NALF1: variants seen among roughly 807,000 people sequenced by gnomAD.
NALF1 encodes NALCN channel auxiliary factor 1, also known as family with sequence similarity 155 member A.
NALF1 carries 3 observed loss-of-function variants against 48.4 expected under a neutral mutation model. The observed-to-expected ratio is 0.06, with a 90% CI of 0.03 to 0.16. The LOEUF is 0.16. NALF1 is among the 10% of genes least tolerant of loss of function. NALF1 has a pLI of 1.00. For synonymous variants in NALF1, 262 were observed against 245.7 expected (o/e 1.07, Z -0.62); for missense variants, 526 against 571.5 (o/e 0.92, Z 0.81).
chr13:107,202,769 TC>T (rs1879547989), intron 2 of NALF1, among the ~76,000 whole-genome samples: 1 of 152,176 alleles, frequency 6.6e-6, no homozygotes, highest in African/African-American at 2.4e-5. Context: ...GTGATCACCT[TC>T]CGTTAACCTA....
intron 2 of NALF1, among the ~76,000 whole-genome samples, chr13:107,180,558 T>G (rs1310891652): frequency 1.3e-5 from 2 of 151,940 alleles, no homozygotes; most frequent in Non-Finnish European, 2.9e-5. Context: ...AACATAGTCT[T>G]TTTCATCTGA....
intron 1 of NALF1, among the ~76,000 whole-genome samples, chr13:107,638,467 G>A (rs920865838): frequency 6.6e-6 from 1 of 152,014 alleles, no homozygotes; most frequent in African/African-American, 2.4e-5. Context: ...CACTCAAGGT[G>A]CTGGAGGATA....
At chr13:107,787,246 C>A (rs548411662) in intron 1 of NALF1, among the ~76,000 whole-genome samples, 1 of 152,164 alleles carries the variant, frequency 6.6e-6, no homozygotes, top group Non-Finnish European at 1.5e-5. Flanking sequence ...ATGAGAAATC[C>A]ATATATATGC....
At chr13:107,751,305 T>C (rs1427431454) in intron 1 of NALF1, among the ~76,000 whole-genome samples, 6 of 152,240 alleles carry the variant, frequency 3.9e-5, no homozygotes, top group Non-Finnish European at 5.9e-5. Flanking sequence ...TCTGCACTTA[T>C]GGAAACCTTT....
chr13:107,364,974 C>G (rs1159487410), intron 1 of NALF1, among the ~76,000 whole-genome samples: 10 of 80,478 alleles, frequency 1.2e-4, no homozygotes, highest in Non-Finnish European at 2.0e-4. Flanking sequence ...CCCTCTCCCC[C>G]TCCCCCTTCC....
At chr13:107,668,709 G>A (rs1472555327) in intron 1 of NALF1, among the ~76,000 whole-genome samples, 1 of 152,014 alleles carries the variant, frequency 6.6e-6, no homozygotes, top group East Asian at 1.9e-4. Flanking sequence ...TCTGAGATGT[G>A]CTCATGTAGA....
intron 1 of NALF1, among the ~76,000 whole-genome samples, chr13:107,308,220 T>A (rs1424799623): frequency 9.1e-5 from 13 of 142,350 alleles, no homozygotes; most frequent in African/African-American, 3.0e-4. Flanking sequence ...TTTTTTTTTT[T>A]AGACAGAGTC....
At position 107,224,553 on chromosome 13, in the gene NALF1, A is replaced by G. The variant is rs936435210; in HGVS notation, c.916-13798T>C. On this transcript the variant is annotated intron_variant, in intron 1 of 2. Coordinates refer to ENST00000375915, the MANE Select transcript of NALF1 (RefSeq NM_001080396.3). Reference sequence around the variant, plus strand: ...GTTAACTGGTTAAAAAAGCTAATAAATTTTATGTCCGTAGCAATGTCTTAA... The same window carrying G: ...GTTAACTGGTTAAAAAAGCTAATAAGTTTTATGTCCGTAGCAATGTCTTAA... 2.6e-5 allele frequency among the ~76,000 whole-genome samples: 4 copies of G among 151,918 alleles called. 1 individual carries two copies.
chr13:107,747,975 A>G (rs1876831761), intron 1 of NALF1, among the ~76,000 whole-genome samples: 1 of 152,200 alleles, frequency 6.6e-6, no homozygotes, highest in African/African-American at 2.4e-5. Context: ...GATTACTAAT[A>G]AGGAACATCG....
intron 1 of NALF1, among the ~76,000 whole-genome samples, chr13:107,348,005 G>A (rs1427817233): frequency 6.6e-6 from 1 of 152,172 alleles, no homozygotes; most frequent in Non-Finnish European, 1.5e-5. Flanking sequence ...CATCCCTTTG[G>A]ATTCTAAGGG....
At chr13:107,227,368 TGCCACAAATGTTTAA>T (rs1367050734) in intron 1 of NALF1, among the ~76,000 whole-genome samples, 2 of 152,222 alleles carry the variant, frequency 1.3e-5, no homozygotes, top group Non-Finnish European at 2.9e-5. Flanking sequence ...TACTCCAAGC[TGCCACAAATGTTTAA>T]GACACAAAGT....
intron 1 of NALF1, among the ~76,000 whole-genome samples, chr13:107,346,182 T>C (rs868475693): frequency 6.6e-6 from 1 of 151,910 alleles, no homozygotes; most frequent in Non-Finnish European, 1.5e-5. Context: ...GGGGGGCAGA[T>C]TGTAAATTGG....
intron 1 of NALF1, among the ~76,000 whole-genome samples, chr13:107,237,608 G>A (rs1880379303): frequency 6.6e-6 from 1 of 152,108 alleles, no homozygotes; most frequent in African/African-American, 2.4e-5. Context: ...TATGTCATTA[G>A]ATGTTACACT....
intron 1 of NALF1, among the ~76,000 whole-genome samples, chr13:107,820,700 T>C (rs530427613): frequency 1.3e-5 from 2 of 152,334 alleles, no homozygotes; most frequent in African/African-American, 2.4e-5. Flanking sequence ...GAAAAATACA[T>C]GTTTCCCAGT....
rs115798677 is a variant in NALF1 at position 107,829,944 on chromosome 13, A to G, written c.915+35738T>C. Reference sequence around the variant, plus strand: ...TACGTTGAAAGGATATTGATGTCACATTCGGGCTTAGCAGGAAGTAACAAC... The same window carrying G: ...TACGTTGAAAGGATATTGATGTCACGTTCGGGCTTAGCAGGAAGTAACAAC... On this transcript the variant is annotated intron_variant, in intron 1 of 2. Transcript: ENST00000375915. 6.2e-3 allele frequency among the ~76,000 whole-genome samples: 951 copies of G among 152,324 alleles called. 8 individuals are homozygous for G. The highest frequency in any genetic ancestry group is 0.022 in the African/African-American group (906 of 41,576).
chr13:107,527,515 T>C (rs1268767429), intron 1 of NALF1, among the ~76,000 whole-genome samples: 2 of 152,132 alleles, frequency 1.3e-5, no homozygotes, highest in Non-Finnish European at 2.9e-5. Flanking sequence ...ACGTTTTCCA[T>C]GGCTGATAAT....
rs553389788 is a variant in NALF1 at position 107,314,674 on chromosome 13, T to G, written c.916-103919A>C. ...CCTAGTCTTGGTTAGGTAGACACTT[T>G]GTTGGCCACTGAGCTCATCCCACAG... On this transcript the variant is annotated intron_variant, in intron 1 of 2. Transcript: ENST00000375915. 2.9e-4 allele frequency among the ~76,000 whole-genome samples: 44 copies of G among 152,158 alleles called. 1 individual carries two copies. Among genetic ancestry groups the G allele is most frequent in the Non-Finnish European group, 3.2e-4 (22 of 68,026 alleles).
intron 1 of NALF1, among the ~76,000 whole-genome samples, chr13:107,399,531 C>T (rs1399172351): frequency 1.3e-5 from 2 of 152,034 alleles, no homozygotes; most frequent in Non-Finnish European, 2.9e-5. Context: ...GCCGGCTCTG[C>T]TCGTGTCCTC....
intron 1 of NALF1, among the ~76,000 whole-genome samples, chr13:107,710,746 C>G (rs904365798): frequency 7.0e-6 from 1 of 142,716 alleles, no homozygotes; most frequent in Non-Finnish European, 1.5e-5. Flanking sequence ...ATATACATAT[C>G]ATATATATAC....
Sources: gnomAD v4.1 joint callset for allele counts (sites outside exome capture counted in the v4.1 genomes callset) on GRCh38, gnomAD v4.1.1 for gene constraint, MANE v1.5 for transcripts, NCBI Gene and HGNC (gene_info 2026-07-23, HGNC 2026-07-21) for gene names.